The following ZNF385D variants were observed in gnomAD, a reference collection of about 807,000 sequenced individuals.
ZNF385D encodes the protein zinc finger protein 385D.
In ZNF385D, 15 loss-of-function variants were observed where a neutral mutation model predicts 35.8. That is an observed-to-expected ratio of 0.42 (90% CI 0.28 to 0.64). The LOEUF (loss-of-function observed/expected upper bound fraction) is 0.64. Ranked by LOEUF, ZNF385D falls within the 30% of genes least tolerant of loss-of-function variation. The pLI, the probability that ZNF385D is intolerant of heterozygous loss-of-function variation, is 0.23. For synonymous variants in ZNF385D, 212 were observed against 186.8 expected (o/e 1.13, Z -1.10); for missense variants, 474 against 494.6 (o/e 0.96, Z 0.39).
intron 2 of ZNF385D, among the ~76,000 whole-genome samples, chr3:21,575,397 G>A (rs1256849320): frequency 6.6e-6 from 1 of 152,040 alleles, no homozygotes; most frequent in Non-Finnish European, 1.5e-5. Flanking sequence ...ACTAGGGACA[G>A]GCTTATTTCT....
At chr3:22,350,780 C>T (rs1388796423) in intron 2 of ZNF385D, among the ~76,000 whole-genome samples, 3 of 152,022 alleles carry the variant, frequency 2.0e-5, no homozygotes, top group Non-Finnish European at 4.4e-5. Context: ...AAAAGACATT[C>T]TTCTGTGGCA....
chr3:21,821,398 T>C (rs990970312), intron 3 of ZNF385D, among the ~76,000 whole-genome samples: 1 of 152,282 alleles, frequency 6.6e-6, no homozygotes, highest in African/African-American at 2.4e-5. Flanking sequence ...TTATGATAAA[T>C]ACTCCCACCT....
At chr3:22,121,476 G>C (rs1231484258) in intron 3 of ZNF385D, among the ~76,000 whole-genome samples, 1 of 152,146 alleles carries the variant, frequency 6.6e-6, no homozygotes, top group Non-Finnish European at 1.5e-5. Context: ...ATTGATTAAA[G>C]AACCTTAAAA....
chr3:22,250,229 A>C (rs989967249), intron 2 of ZNF385D, among the ~76,000 whole-genome samples: 1 of 152,144 alleles, frequency 6.6e-6, no homozygotes, highest in African/African-American at 2.4e-5. Context: ...CTTTATAGAT[A>C]TATTTCCAGT....
chr3:22,137,137 T>A (rs6776010), intron 3 of ZNF385D, among the ~76,000 whole-genome samples: 1 of 151,898 alleles, frequency 6.6e-6, no homozygotes, highest in Non-Finnish European at 1.5e-5. Flanking sequence ...GTATATAAGA[T>A]CTTTCTGTGT....
intron 2 of ZNF385D, among the ~76,000 whole-genome samples, chr3:22,239,837 T>C (rs925553376): frequency 4.0e-5 from 6 of 150,686 alleles, no homozygotes; most frequent in African/African-American, 1.5e-4. Flanking sequence ...AAGTGACATG[T>C]CTTCATAGAA....
At position 21,869,008 on chromosome 3, in the gene ZNF385D, G is replaced by A. The variant is rs73820165; in HGVS notation, c.326-203980C>T. 3.8e-3 allele frequency among the ~76,000 whole-genome samples: 571 copies of A among 152,018 alleles called. 2 individuals carry two copies. The highest frequency in any genetic ancestry group is 0.013 in the African/African-American group (540 of 41,496). The stretch of plus-strand genomic sequence containing the variant: ...TGCAACATCAGCTGGCAGGAATTAC[G>A]GAAAAAACAACATTCATTTTGTTTC... On this transcript the variant is annotated intron_variant, in intron 3 of 5. Transcript: ENST00000494108.
At chr3:21,775,310 T>G (rs2071242292) in intron 3 of ZNF385D, among the ~76,000 whole-genome samples, 1 of 151,856 alleles carries the variant, frequency 6.6e-6, no homozygotes, top group Admixed American at 6.6e-5. Flanking sequence ...TAAATCAGCC[T>G]AGAGCTTTCA....
Position 21,751,126 on chromosome 3 carries a change from C to T in ZNF385D, c.-210G>A. The stretch of plus-strand genomic sequence containing the variant: ...AGATCCCCGGCGGCTGGAGAGTGCG[C>T]TCGGGCTGCCTGCTGCACTGCCCAT... On this transcript the variant is annotated 5_prime_UTR_variant, in exon 1 of 8. Coordinates refer to ENST00000281523, the MANE Select transcript of ZNF385D (RefSeq NM_024697.3). The T allele has an allele frequency of 2.1e-6, 3 of 1,461,738 alleles. No individual in the cohort carries two copies. The highest frequency in any genetic ancestry group is 1.4e-5 in the South Asian group (1 of 69,334). The allele number at this position is 1,461,738 out of a possible 1,614,324, so 90.5% of individuals were successfully genotyped here.
At position 22,094,649 on chromosome 3, in the gene ZNF385D, A is replaced by C. The variant is rs1246656428; in HGVS notation, c.325+74168T>G. On this transcript the variant is annotated intron_variant, in intron 3 of 5. Transcript: ENST00000494108. ...ATCCCAGTGAGAAGCTTTGGTTCAA[A>C]GACTGCCCAGAGAGGAGCCCTGGGC... 2.6e-5 allele frequency among the ~76,000 whole-genome samples: 4 copies of C among 151,960 alleles called. No individual in the cohort carries two copies. The East Asian group carries it at 7.7e-4, about 29-fold the overall frequency.
intron 2 of ZNF385D, among the ~76,000 whole-genome samples, chr3:22,279,639 TTATA>T (rs58214422): frequency 1.8e-5 from 2 of 113,422 alleles, no homozygotes; most frequent in African/African-American, 3.5e-5. Flanking sequence ...TGTGTATATT[TTATA>T]TATATATATA....
intron 3 of ZNF385D, among the ~76,000 whole-genome samples, chr3:21,801,590 C>T (rs1046312958): frequency 2.6e-5 from 4 of 152,090 alleles, no homozygotes; most frequent in East Asian, 1.9e-4. Context: ...CTGGCCAAAA[C>T]GTTCACATTC....
chr3:21,508,424 C>T (rs1471353741), intron 4 of ZNF385D, among the ~76,000 whole-genome samples: 1 of 152,076 alleles, frequency 6.6e-6, no homozygotes, highest in Non-Finnish European at 1.5e-5. Context: ...AACATGTTTG[C>T]AATTTCTGCT....
chr3:21,524,010 G>T (rs2125509991), intron 3 of ZNF385D, among the ~76,000 whole-genome samples: 1 of 152,310 alleles, frequency 6.6e-6, no homozygotes, highest in Admixed American at 6.5e-5. Flanking sequence ...TTTCAGAATT[G>T]ATGATGAATT....
At chr3:21,801,971 A>C (rs1236373600) in intron 3 of ZNF385D, among the ~76,000 whole-genome samples, 2 of 152,192 alleles carry the variant, frequency 1.3e-5, no homozygotes, top group Non-Finnish European at 2.9e-5. Flanking sequence ...GTATTAAAAC[A>C]TAAACAATTC....
intron 3 of ZNF385D, among the ~76,000 whole-genome samples, chr3:21,892,364 CAAAT>C (rs1698912575): frequency 6.6e-6 from 1 of 152,100 alleles, no homozygotes; most frequent in Non-Finnish European, 1.5e-5. Context: ...CAGGTTTGCC[CAAAT>C]AAATTCCTCC....
At chr3:21,421,634 T>C (rs1006811986) in intron 7 of ZNF385D, among the ~76,000 whole-genome samples, 187 bp from the exon 8 acceptor site, 5 of 152,206 alleles carry the variant, frequency 3.3e-5, no homozygotes, top group Admixed American at 2.6e-4. Context: ...AGTTGGAAGA[T>C]ACCTGAAAAT....
rs9849647 is a variant in ZNF385D at position 21,693,878 on chromosome 3, T to C, written c.23-28850A>G. Among the ~76,000 whole-genome samples the C allele has an allele frequency of 1.2e-3, 161 of 129,936 alleles. 1 individual carries two copies. Among genetic ancestry groups the C allele is most frequent in the East Asian group, 3.9e-3 (16 of 4,134 alleles). The allele number at this position is 129,936 out of a possible 152,430, so 85.2% of individuals were successfully genotyped here. ...GGAAATCTTTTTAGAAAATCTTTTT[T>C]TTTCTTTTTTTTTTTTTTTTGAGAC... On this transcript the variant is annotated intron_variant, in intron 1 of 7. Coordinates refer to ENST00000281523, the MANE Select transcript of ZNF385D (RefSeq NM_024697.3).
chr3:21,641,141 T>C (rs1368455091), intron 2 of ZNF385D, among the ~76,000 whole-genome samples: 1 of 152,144 alleles, frequency 6.6e-6, no homozygotes, highest in Admixed American at 6.6e-5. Flanking sequence ...TGACGTGTTC[T>C]TGCTGTAACT....
Sources: gnomAD v4.1 joint callset for allele counts (sites outside exome capture counted in the v4.1 genomes callset) on GRCh38, gnomAD v4.1.1 for gene constraint, MANE v1.5 for transcripts, NCBI Gene and HGNC (gene_info 2026-07-23, HGNC 2026-07-21) for gene names.